HGF: variants seen among roughly 807,000 people sequenced by gnomAD.
HGF encodes the protein fibroblast-derived tumor cytotoxic factor.
In HGF, 39 loss-of-function variants were observed where a neutral mutation model predicts 111.6. The observed-to-expected ratio is 0.35, with a 90% CI of 0.27 to 0.46. The LOEUF is 0.46. Among genes scored for constraint, HGF ranks in the 20% least tolerant of loss-of-function variants. The pLI, the probability that HGF is intolerant of heterozygous loss-of-function variation, is 1.00. For synonymous variants in HGF, 285 were observed against 294.8 expected, an observed-to-expected ratio of 0.97 and a Z score of 0.34; for missense variants, 735 against 910.5, an observed-to-expected ratio of 0.81 and a Z score of 2.48.
At chr7:81,717,829 T>C (rs1010396453) in intron 10 of HGF, among the ~76,000 whole-genome samples, 5 of 152,154 alleles carry the variant, frequency 3.3e-5, no homozygotes, top group Admixed American at 2.6e-4. Context: ...GAAGATATAC[T>C]GAAATGAATA....
intron 6 of HGF, 73 bp from the exon 7 acceptor site, chr7:81,743,544 A>T: frequency 1.0e-6 from 1 of 966,442 alleles, no homozygotes; most frequent in Non-Finnish European, 1.7e-6. Context: ...CTCACAAAAT[A>T]ACTTTCCACT....
intron 6 of HGF, among the ~76,000 whole-genome samples, chr7:81,744,398 T>C (rs1006280099): frequency 6.6e-6 from 1 of 151,908 alleles, no homozygotes; most frequent in African/African-American, 2.4e-5. Context: ...CTTCTCCAAA[T>C]TGGCTTTTTA....
At chr7:81,764,063 G>T (rs373194769) in intron 1 of HGF, among the ~76,000 whole-genome samples, 43 of 152,222 alleles carry the variant, frequency 2.8e-4, no homozygotes, top group African/African-American at 9.9e-4. Context: ...AATGTGGATA[G>T]TAGAGCAGGA....
chr7:81,742,014 T>A (rs1340046407), intron 7 of HGF, among the ~76,000 whole-genome samples: 2 of 149,862 alleles, frequency 1.3e-5, no homozygotes, highest in African/African-American at 4.9e-5. Flanking sequence ...AGGGAAACAG[T>A]TGGTTTATTA....
chr7:81,766,028 A>T (rs1232713593), intron 1 of HGF, among the ~76,000 whole-genome samples: 1 of 152,190 alleles, frequency 6.6e-6, no homozygotes, highest in Non-Finnish European at 1.5e-5. Context: ...ATGGGAAAAC[A>T]TTCTGGAAGC....
chr7:81,725,960 A>G lies in HGF; in HGVS notation c.1098T>C (p.Phe366=), dbSNP rs777341007. ...NPDGSESPWC[F]TTDPNIRVGY... ...CAACTCGGATGTTTGGATCAGTGGT[A>G]AAACACCAGGGTGATTCAGACCCAT... Residue 366 remains phenylalanine (F), a synonymous_variant, in exon 9 of 18, where the codon TTT becomes TTC. Coordinates refer to ENST00000222390, the MANE Select transcript of HGF (RefSeq NM_000601.6). 4 of 1,613,886 alleles carry G rather than the reference A, an allele frequency of 2.5e-6. No individual in the cohort carries two copies. In the South Asian group the frequency reaches 4.4e-5, roughly 18 times the overall value.
intron 2 of HGF, 97 bp downstream of exon 2, chr7:81,762,610 A>G: frequency 1.0e-6 from 1 of 957,640 alleles, no homozygotes; most frequent in Admixed American, 1.7e-5. Flanking sequence ...CAATTTTATG[A>G]TCAAATCACA....
At chr7:81,713,648 T>C (rs1434474466) in intron 11 of HGF, among the ~76,000 whole-genome samples, 2 of 152,210 alleles carry the variant, frequency 1.3e-5, no homozygotes, top group African/African-American at 4.8e-5. Context: ...TAGCATAAAC[T>C]GAAATACGTT....
At chr7:81,739,444 G>A (rs373940770) in intron 7 of HGF, among the ~76,000 whole-genome samples, 68 of 152,172 alleles carry the variant, frequency 4.5e-4, no homozygotes, top group East Asian at 4.3e-3. Flanking sequence ...ACACATGCAC[G>A]TATGTATACA....
chr7:81,733,347 C>A (rs1465440829), intron 7 of HGF, among the ~76,000 whole-genome samples: 5 of 151,584 alleles, frequency 3.3e-5, no homozygotes, highest in African/African-American at 9.7e-5. Flanking sequence ...TTTCATTAGG[C>A]TTTATTAAGA....
At chr7:81,706,808 A>G (rs1038234021) in intron 14 of HGF, among the ~76,000 whole-genome samples, 1 of 152,038 alleles carries the variant, frequency 6.6e-6, no homozygotes, top group Non-Finnish European at 1.5e-5. Context: ...TCTACAAACA[A>G]AATCAAAGTG....
intron 13 of HGF, among the ~76,000 whole-genome samples, chr7:81,709,650 G>T (rs954777284): frequency 6.6e-6 from 1 of 151,828 alleles, no homozygotes; most frequent in African/African-American, 2.4e-5. Context: ...TTAACTATTG[G>T]CCTTTTTGTA....
At chr7:81,747,287 C>G (rs566576114) in intron 5 of HGF, among the ~76,000 whole-genome samples, 1 of 151,910 alleles carries the variant, frequency 6.6e-6, no homozygotes, top group African/African-American at 2.4e-5. Context: ...TGCAGTGAGC[C>G]GAGATGGCAC....
At chr7:81,720,606 A>C (rs1789827343) in intron 10 of HGF, 139 bp downstream of exon 10, 1 of 652,370 alleles carries the variant, frequency 1.5e-6, no homozygotes, top group African/African-American at 1.8e-5. Flanking sequence ...GATGAGTTGT[A>C]AAGAAAAACC....
rs140576387 is a variant in HGF at position 81,723,978 on chromosome 7, T to C, written c.1168+1912A>G. 7.0e-3 allele frequency among the ~76,000 whole-genome samples: 1,059 copies of C among 152,152 alleles called. 14 individuals are homozygous for C. The highest frequency in any genetic ancestry group is 0.024 in the African/African-American group (1,010 of 41,532). On this transcript the variant is annotated intron_variant, in intron 9 of 17. Transcript: ENST00000222390. Reference sequence around the variant, plus strand: ...TCCATAAAACTAATATTTTCACCTATGAATGAATGATCTGATAAGCAATAA... The same window carrying C: ...TCCATAAAACTAATATTTTCACCTACGAATGAATGATCTGATAAGCAATAA...
At chr7:81,751,371 A>T in intron 5 of HGF, 3 of 985,214 alleles carry the variant, frequency 3.0e-6, no homozygotes, top group Non-Finnish European at 3.6e-6. Context: ...GAAAAATGAA[A>T]CCACATACAA....
chr7:81,719,490 G>GT (rs1308393935), intron 10 of HGF, among the ~76,000 whole-genome samples: 2 of 152,108 alleles, frequency 1.3e-5, no homozygotes, highest in Non-Finnish European at 2.9e-5. Context: ...GACAGGCGCT[G>GT]TAAGTGTAAA....
intron 11 of HGF, among the ~76,000 whole-genome samples, chr7:81,713,989 C>CGTGTGTGTGTGT (rs10539468): frequency 4.2e-5 from 6 of 142,422 alleles, no homozygotes; most frequent in African/African-American, 1.6e-4. Flanking sequence ...GGTGTGTGTG[C>CGTGTGTGTGTGT]GTGTGTGTGT....
chr7:81,736,580 T>A (rs963831319), intron 7 of HGF, among the ~76,000 whole-genome samples: 3 of 152,090 alleles, frequency 2.0e-5, no homozygotes, highest in African/African-American at 7.2e-5. Context: ...AAGGAGCTGA[T>A]GTGAGGAAAT....
Sources: gnomAD v4.1 joint callset for allele counts (sites outside exome capture counted in the v4.1 genomes callset) on GRCh38, gnomAD v4.1.1 for gene constraint, MANE v1.5 for transcripts, NCBI Gene and HGNC (gene_info 2026-07-23, HGNC 2026-07-21) for gene names.